Variants in FOXP2 observed in about 807,000 individuals in gnomAD.
FOXP2 encodes the protein forkhead box protein P2.
FOXP2 carries 12 observed loss-of-function variants against 115.8 expected under a neutral mutation model. That is an observed-to-expected ratio of 0.10 (90% CI 0.07 to 0.17). The LOEUF (loss-of-function observed/expected upper bound fraction) is 0.17. Among genes scored for constraint, FOXP2 ranks in the 10% least tolerant of loss-of-function variants. The probability of loss-of-function intolerance (pLI) is 1.00; values close to 1 mark genes in which losing one functional copy is unlikely to be tolerated. For synonymous variants in FOXP2, 328 were observed against 297.7 expected, an observed-to-expected ratio of 1.10 and a Z score of -1.05; for missense variants, 629 against 843.5, an observed-to-expected ratio of 0.75 and a Z score of 3.15.
intron 3 of FOXP2, among the ~76,000 whole-genome samples, chr7:114,574,594 C>T (rs972368345): frequency 6.6e-6 from 1 of 151,924 alleles, no homozygotes; most frequent in South Asian, 2.1e-4. Context: ...TCATTCACTA[C>T]TCTCTAACTA....
chr7:114,229,399 C>G (rs75925830), intron 1 of FOXP2, among the ~76,000 whole-genome samples: 2,701 of 151,646 alleles, frequency 0.018, 57 homozygotes, highest in African/African-American at 0.052. Flanking sequence ...TTGAACCGCA[C>G]TGTATGGGCC....
intron 2 of FOXP2, among the ~76,000 whole-genome samples, chr7:114,528,571 C>T (rs1404027419): frequency 6.6e-6 from 1 of 151,998 alleles, no homozygotes; most frequent in African/African-American, 2.4e-5. Flanking sequence ...CCAAATGCTA[C>T]TTCTCCTACA....
At chr7:114,090,385 T>C (rs916643432) in intron 1 of FOXP2, among the ~76,000 whole-genome samples, 1 of 151,892 alleles carries the variant, frequency 6.6e-6, no homozygotes, top group Non-Finnish European at 1.5e-5. Flanking sequence ...CATAAATGAA[T>C]GGACCCAAAA....
At chr7:114,599,539 A>G (rs1017626956) in intron 3 of FOXP2, among the ~76,000 whole-genome samples, 2 of 152,126 alleles carry the variant, frequency 1.3e-5, no homozygotes, top group African/African-American at 4.8e-5. Flanking sequence ...ATTTTCTACT[A>G]TTTTTGGTAA....
Position 114,587,660 on chromosome 7 carries a change from A to G in FOXP2, c.259-40880A>G, listed in dbSNP as rs1186550625. 3.9e-5 allele frequency among the ~76,000 whole-genome samples: 6 copies of G among 151,984 alleles called. No individual in the cohort carries two copies. The East Asian group carries it at 9.8e-4, about 25-fold the overall frequency. ...AAAATGTAGTAATTGTTAAGACTGGAAAACTGTGACTAATTCATTTTAGGT... is the reference window on the plus strand; with the variant it reads ...AAAATGTAGTAATTGTTAAGACTGGGAAACTGTGACTAATTCATTTTAGGT... On this transcript the variant is annotated intron_variant, in intron 3 of 16. Coordinates refer to ENST00000350908, the MANE Select transcript of FOXP2 (RefSeq NM_014491.4).
chr7:114,562,758 C>A (rs78509907), intron 3 of FOXP2, among the ~76,000 whole-genome samples: 185 of 115,384 alleles, frequency 1.6e-3, no homozygotes, highest in African/African-American at 5.9e-3. Flanking sequence ...TTATATCAGA[C>A]AATTATCTTA....
In FOXP2 at chr7:114,642,512, C is replaced by G. The variant is rs1384054598; in HGVS notation, c.878C>G (p.Thr293Ser). Residue 293 changes from threonine (T) to serine (S), a missense_variant, in exon 7 of 17, where the codon ACT becomes AGT. Thr to Ser is a moderately conservative substitution (Grantham distance 58, BLOSUM62 1). Transcript: ENST00000350908. ...AAACATGGAGGGCTAGACCTCACTA[C>G]TAACAATTCCTCCTCGACTACCTCC... ...GIKHGGLDLT[T>S]NNSSSTTSSN... The G allele has an allele frequency of 2.5e-6, 4 of 1,613,912 alleles. No homozygotes were observed. The highest frequency in any genetic ancestry group is 1.7e-6 in the Non-Finnish European group (2 of 1,179,946).
intron 2 of FOXP2, among the ~76,000 whole-genome samples, chr7:114,465,758 C>T (rs577671437): frequency 1.1e-4 from 16 of 152,226 alleles, no homozygotes; most frequent in African/African-American, 3.9e-4. Flanking sequence ...CTTTGGGAAG[C>T]GAGTGTTACC....
chr7:114,198,890 T>C (rs1793984588), intron 1 of FOXP2, among the ~76,000 whole-genome samples: 1 of 152,206 alleles, frequency 6.6e-6, no homozygotes, highest in Non-Finnish European at 1.5e-5. Flanking sequence ...AGAGTTGACA[T>C]TGCAGCTCAT....
chr7:114,256,324 C>T (rs991323991), intron 1 of FOXP2, among the ~76,000 whole-genome samples: 6 of 152,136 alleles, frequency 3.9e-5, no homozygotes, highest in Non-Finnish European at 8.8e-5. Context: ...TCAGGCTGGT[C>T]TCAAACTCCC....
intron 1 of FOXP2, among the ~76,000 whole-genome samples, chr7:114,094,411 C>G (rs1395094529): frequency 6.6e-6 from 1 of 152,162 alleles, no homozygotes; most frequent in Non-Finnish European, 1.5e-5. Context: ...CTAACTTGCT[C>G]AGAAATTTTA....
intron 2 of FOXP2, among the ~76,000 whole-genome samples, chr7:114,521,910 C>T (rs1798644882): frequency 6.6e-6 from 1 of 152,046 alleles, no homozygotes. Flanking sequence ...ACTTAGTGTA[C>T]CATTTGCATC....
intron 1 of FOXP2, among the ~76,000 whole-genome samples, chr7:114,124,839 G>A (rs1340722178): frequency 2.6e-5 from 4 of 151,648 alleles, no homozygotes; most frequent in Non-Finnish European, 5.9e-5. Flanking sequence ...TCATCTAAAT[G>A]TTGTGTGCTG....
chr7:114,150,481 A>G (rs1415760664), intron 1 of FOXP2, among the ~76,000 whole-genome samples: 2 of 152,024 alleles, frequency 1.3e-5, no homozygotes, highest in Non-Finnish European at 2.9e-5. Flanking sequence ...GTAACAATAT[A>G]TACTCTTTGA....
At chr7:114,501,778 A>G (rs1025583634) in intron 2 of FOXP2, among the ~76,000 whole-genome samples, 1 of 152,196 alleles carries the variant, frequency 6.6e-6, no homozygotes, top group Admixed American at 6.6e-5. Context: ...AAAACGGTGA[A>G]ATTCATAATT....
intron 3 of FOXP2, among the ~76,000 whole-genome samples, chr7:114,540,271 T>G (rs1799590763): frequency 6.6e-6 from 1 of 152,012 alleles, no homozygotes; most frequent in South Asian, 2.1e-4. Flanking sequence ...AACATAAACT[T>G]ATATTTTAAT....
chr7:114,391,057 G>T (rs1017213765), intron 2 of FOXP2, among the ~76,000 whole-genome samples: 1 of 152,006 alleles, frequency 6.6e-6, no homozygotes, highest in African/African-American at 2.4e-5. Flanking sequence ...CGTGGTGGCA[G>T]GTGCCTGTAT....
At chr7:114,396,339 G>A (rs1284359463) in intron 2 of FOXP2, among the ~76,000 whole-genome samples, 2 of 152,086 alleles carry the variant, frequency 1.3e-5, no homozygotes, top group Non-Finnish European at 2.9e-5. Flanking sequence ...TGTTGCAAAT[G>A]ATGGGATCTT....
chr7:114,473,329 T>C (rs1005816132), intron 2 of FOXP2, among the ~76,000 whole-genome samples: 3 of 152,126 alleles, frequency 2.0e-5, no homozygotes, highest in Non-Finnish European at 2.9e-5. Context: ...CCCCAAACCT[T>C]GGTGCCAGAA....
Sources: allele counts gnomAD v4.1 joint callset (sites outside exome capture counted in the v4.1 genomes callset), GRCh38; gene constraint gnomAD v4.1.1; transcripts MANE v1.5; gene names NCBI Gene and HGNC (gene_info 2026-07-23, HGNC 2026-07-21).